The following TRIP4 variants were observed in gnomAD, a reference collection of about 807,000 sequenced individuals.
TRIP4 encodes the protein thyroid hormone receptor interactor 4, also known as activating signal cointegrator 1.
Under a neutral mutation model 81.8 loss-of-function variants are expected in TRIP4, and 54 were observed. The ratio of observed to expected loss-of-function variants is 0.66; its 90% confidence interval spans 0.53 to 0.83. The LOEUF (loss-of-function observed/expected upper bound fraction) is 0.83, where lower values mean the gene tolerates loss of function less well. TRIP4 is among the 40% of genes least tolerant of loss of function. The probability of loss-of-function intolerance (pLI) is 0.00; values close to 1 mark genes in which losing one functional copy is unlikely to be tolerated. For synonymous variants in TRIP4, 270 were observed against 242.8 expected (o/e 1.11, Z -1.04); for missense variants, 662 against 683.6 (o/e 0.97, Z 0.35).
chr15:64,393,651 AC>A (rs1248496323), intron 1 of TRIP4: 1 of 188,756 alleles, frequency 5.3e-6, no homozygotes, highest in Non-Finnish European at 1.1e-5. Context: ...CATTTTAAAA[AC>A]GTATTTATTG....
intron 9 of TRIP4, among the ~76,000 whole-genome samples, chr15:64,419,179 T>C (rs1395251459): frequency 6.6e-6 from 1 of 152,200 alleles, no homozygotes; most frequent in Admixed American, 6.5e-5. Context: ...TTCCTGTCCA[T>C]ATATCTAACT....
chr15:64,436,358 C>G (rs1892397813), intron 11 of TRIP4, among the ~76,000 whole-genome samples: 2 of 151,416 alleles, frequency 1.3e-5, no homozygotes, highest in South Asian at 4.2e-4. Flanking sequence ...CTTTGGGAGG[C>G]CGAGGCGGGC....
Position 64,411,154 on chromosome 15 carries a change from G to C in TRIP4, c.1043+1326G>C, listed in dbSNP as rs1891754016. Among the ~76,000 whole-genome samples the C allele has an allele frequency of 2.0e-5, 3 of 152,210 alleles. No individual in the cohort carries two copies. In the South Asian group the frequency reaches 6.2e-4, roughly 31 times the overall value. ...TTCAGTAGTTCCAGGGATTAGAAGA[G>C]AGGGAGGAATAAATAGAAGGAGCAC... On this transcript the variant is annotated intron_variant, in intron 7 of 12. Coordinates refer to ENST00000261884, the MANE Select transcript of TRIP4 (RefSeq NM_016213.5).
rs1319293409 is a variant in TRIP4 at position 64,397,717 on chromosome 15, T to A, written c.517T>A (p.Cys173Ser). Residue 173 changes from cysteine (C) to serine (S), a missense_variant, in exon 4 of 13, where the codon TGC (cysteine) becomes AGC (serine). By Grantham distance (112) the Cys-to-Ser change is moderately radical. Coordinates refer to ENST00000261884, the MANE Select transcript of TRIP4 (RefSeq NM_016213.5). ...GCTCCCTGGTCGTCACCCTTGTGAT[T>A]GCCTGGGCCAGAAGCACAAGCTCAT... ...VLLPGRHPCD[C>S]LGQKHKLINN... 1 of 1,614,132 alleles carries A rather than the reference T, an allele frequency of 6.2e-7. No individual in the cohort carries two copies. The highest frequency in any genetic ancestry group is 1.7e-5 in the Admixed American group (1 of 60,004).
chr15:64,440,616 G>A (rs1196242029), intron 11 of TRIP4, among the ~76,000 whole-genome samples: 10 of 152,158 alleles, frequency 6.6e-5, no homozygotes, highest in Non-Finnish European at 1.5e-5. Context: ...GCCCCTTGAA[G>A]TTCAGTGCTA....
Position 64,394,002 on chromosome 15 carries a change from T to C in TRIP4, c.158T>C (p.Leu53Pro). 1 of 1,611,178 alleles carries C rather than the reference T, an allele frequency of 6.2e-7. No individual in the cohort carries two copies. Among genetic ancestry groups the C allele is most frequent in the Non-Finnish European group, 8.5e-7 (1 of 1,178,674 alleles). ...EEIREYVTDLLQGNEGKKGQF... is the reference protein window; with the variant it reads ...EEIREYVTDLPQGNEGKKGQF... ...ATACGAGAATATGTTACTGATCTCC[T>C]CCAGGGAAATGAAGGCAAAAAAGGT... Residue 53 changes from leucine (L) to proline (P), a missense_variant, in exon 2 of 13, where the codon CTC becomes CCC. Coordinates refer to ENST00000261884, the MANE Select transcript of TRIP4 (RefSeq NM_016213.5).
chr15:64,441,582 G>C, intron 11 of TRIP4, among the ~76,000 whole-genome samples: 1 of 151,744 alleles, frequency 6.6e-6, no homozygotes, highest in East Asian at 2.0e-4. Context: ...GACCATCCTG[G>C]CTAACACGGT....
Position 64,388,164 on chromosome 15 carries a change from G to C in TRIP4, c.101+200G>C, listed in dbSNP as rs965175994. On this transcript the variant is annotated intron_variant, in intron 1 of 12. Transcript: ENST00000261884. Reference sequence around the variant, plus strand: ...AGGGTGTCCGGCTCCACAGTCTGCCGGTCGGGCTTTTTTCCTGGGAAGACG... The same window carrying C: ...AGGGTGTCCGGCTCCACAGTCTGCCCGTCGGGCTTTTTTCCTGGGAAGACG... The C allele has an allele frequency of 1.9e-5, 19 of 987,448 alleles. No individual in the cohort carries two copies. The Admixed American group carries it at 7.1e-4, about 37-fold the overall frequency. 61.2% of individuals were successfully genotyped at this position (987,448 alleles called of 1,614,324 possible). A position where few individuals can be genotyped will look rare whatever the true frequency, so the allele number is the denominator to read the frequency against.
intron 1 of TRIP4, among the ~76,000 whole-genome samples, chr15:64,389,728 T>G (rs937105153): frequency 6.8e-6 from 1 of 147,134 alleles, no homozygotes; most frequent in African/African-American, 2.5e-5. Flanking sequence ...TTTTTTTTTT[T>G]GAGACAGATT....
At chr15:64,390,886 C>G (rs575657567) in intron 1 of TRIP4, among the ~76,000 whole-genome samples, 37 of 150,988 alleles carry the variant, frequency 2.5e-4, no homozygotes, top group Admixed American at 5.9e-4. Context: ...CAGAGCGAGA[C>G]TCCGTCTCAA....
chr15:64,409,631 C>G lies in TRIP4; in HGVS notation c.846C>G (p.Val282=). 1 of 1,614,124 alleles carries G rather than the reference C, an allele frequency of 6.2e-7. No homozygotes were observed. The highest frequency in any genetic ancestry group is 8.5e-7 in the Non-Finnish European group (1 of 1,180,024). The part of the protein sequence containing the change: ...FDRTSIRRTQ[V]IDDESDYFAS... ...TTCTCAGTATTCGAAGGACCCAAGT[C>G]ATTGATGATGAGTCAGATTACTTTG... The change falls in exon 7 of 13, where the codon GTC becomes GTG. Residue 282 remains valine, a synonymous_variant. Transcript: ENST00000261884.
intron 11 of TRIP4, 109 bp from the exon 12 acceptor site, chr15:64,444,897 G>A (rs1892589453): frequency 3.2e-6 from 2 of 631,070 alleles, no homozygotes; most frequent in South Asian, 2.0e-5. Flanking sequence ...CTGTGAAATG[G>A]AAAGTAGTAT....
At chr15:64,414,232 A>G (rs772483327) in intron 8 of TRIP4, 21 bp downstream of exon 8, 12 of 1,611,622 alleles carry the variant, frequency 7.4e-6, no homozygotes, top group East Asian at 2.2e-5. Context: ...CTTTGCTCTA[A>G]CTGTTAATAA....
intron 11 of TRIP4, among the ~76,000 whole-genome samples, chr15:64,428,442 C>T (rs1428751133): frequency 6.6e-6 from 1 of 152,164 alleles, no homozygotes; most frequent in African/African-American, 2.4e-5. Context: ...TGTAGAAGTG[C>T]AGGAATCCTC....
intron 1 of TRIP4, among the ~76,000 whole-genome samples, chr15:64,391,777 C>T (rs1814179599): frequency 6.6e-6 from 1 of 151,320 alleles, no homozygotes; most frequent in Non-Finnish European, 1.5e-5. Flanking sequence ...CAAGACCAGC[C>T]TGCCCAACAT....
intron 3 of TRIP4, among the ~76,000 whole-genome samples, chr15:64,397,393 A>G (rs535209532): frequency 6.6e-6 from 1 of 152,342 alleles, no homozygotes; most frequent in South Asian, 2.1e-4. Flanking sequence ...TACTAGCAGA[A>G]AAGACAAGGT....
At position 64,435,525 on chromosome 15, in the gene TRIP4, CAAAAAA is replaced by C. The variant is rs35102130; in HGVS notation, c.1576-9469_1576-9464del. On this transcript the variant is annotated intron_variant, in intron 11 of 12. Coordinates refer to ENST00000261884, the MANE Select transcript of TRIP4 (RefSeq NM_016213.5). ...TGGGCGACAGAGTGAGACTCTGTCT[CAAAAAA>C]AAAAAAAAAAATATTATTATTGCTT... Among the ~76,000 whole-genome samples, 49 of 108,326 alleles carry C rather than the reference CAAAAAA, an allele frequency of 4.5e-4. No individual in the cohort carries two copies. In the East Asian group the frequency reaches 0.01, roughly 23 times the overall value. The allele number at this position is 108,326 out of a possible 152,430, so 71.1% of individuals were successfully genotyped here.
Position 64,409,595 on chromosome 15 carries a change from G to T in TRIP4, c.828-18G>T. 6.2e-7 allele frequency: 1 copy of T among 1,610,424 alleles called. No individual in the cohort carries two copies. The highest frequency in any genetic ancestry group is 8.5e-7 in the Non-Finnish European group (1 of 1,176,992). ...TGTCAACAGATGACCTAATTACCAT[G>T]TGTTCCCTTTTTCTCAGTATTCGAA... On this transcript the variant is annotated intron_variant, in intron 6 of 12. Coordinates refer to ENST00000261884, the MANE Select transcript of TRIP4 (RefSeq NM_016213.5).
At chr15:64,412,230 A>G (rs1407948171) in intron 7 of TRIP4, among the ~76,000 whole-genome samples, 1 of 152,068 alleles carries the variant, frequency 6.6e-6, no homozygotes, top group Non-Finnish European at 1.5e-5. Flanking sequence ...TATACTTATC[A>G]TTTTACTGTG....
Sources: allele counts gnomAD v4.1 joint callset (sites outside exome capture counted in the v4.1 genomes callset), GRCh38; gene constraint gnomAD v4.1.1; transcripts MANE v1.5; gene names NCBI Gene and HGNC (gene_info 2026-07-23, HGNC 2026-07-21).